The following BFSP1 variants were observed in gnomAD, a reference collection of about 807,000 sequenced individuals.
BFSP1 encodes filensin.
Under a neutral mutation model 43.9 loss-of-function variants are expected in BFSP1, and 38 were observed. The ratio of observed to expected loss-of-function variants is 0.87; its 90% CI spans 0.67 to 1.14. BFSP1 has a LOEUF of 1.14. BFSP1 is among the 50% of genes most tolerant of loss of function. The pLI is 0.00. For missense variants in BFSP1, 850 were observed against 875.1 expected, an observed-to-expected ratio of 0.97 and a Z score of 0.36; for synonymous variants, 352 against 354.8, an observed-to-expected ratio of 0.99 and a Z score of 0.09.
intron 1 of BFSP1, among the ~76,000 whole-genome samples, chr20:17,540,722 A>G (rs1157701834): frequency 6.6e-6 from 1 of 152,050 alleles, no homozygotes; most frequent in African/African-American, 2.4e-5. Context: ...GGTGCCTCTC[A>G]TGTCCTCTAG....
chr20:17,502,976 C>T (rs970381028), intron 5 of BFSP1, among the ~76,000 whole-genome samples: 2 of 152,136 alleles, frequency 1.3e-5, no homozygotes, highest in African/African-American at 2.4e-5. Context: ...CATAGAGGGG[C>T]CATGTGTTGA....
chr20:17,529,090 T>TGTGTGTGTGA (rs577672397), intron 1 of BFSP1, among the ~76,000 whole-genome samples: 49 of 151,614 alleles, frequency 3.2e-4, no homozygotes, highest in African/African-American at 1.1e-3. Context: ...TGTGTGTGTG[T>TGTGTGTGTGA]GAGACAGAGT....
intron 1 of BFSP1, among the ~76,000 whole-genome samples, chr20:17,537,286 C>A (rs2034642341): frequency 6.6e-6 from 1 of 152,206 alleles, no homozygotes; most frequent in Admixed American, 6.5e-5. Flanking sequence ...CGGATCCCTA[C>A]TATCCCTGCT....
chr20:17,502,261 T>C (rs994816803), intron 5 of BFSP1, among the ~76,000 whole-genome samples: 8 of 152,076 alleles, frequency 5.3e-5, no homozygotes, highest in African/African-American at 1.7e-4. Context: ...GTCACCTGTA[T>C]GAGGACACAG....
chr20:17,568,309 G>C (rs528756779), intron 1 of BFSP1, among the ~76,000 whole-genome samples: 117 of 152,246 alleles, frequency 7.7e-4, no homozygotes, highest in African/African-American at 2.8e-3. Context: ...ACGAAATGCA[G>C]GAGAGGCTGG....
chr20:17,540,676 C>T (rs1001126600), intron 1 of BFSP1, among the ~76,000 whole-genome samples: 18 of 152,272 alleles, frequency 1.2e-4, no homozygotes, highest in Non-Finnish European at 1.9e-4. Flanking sequence ...CTCTAAAACG[C>T]TGAAAGCCTG....
At chr20:17,506,285 T>C (rs1180221454) in intron 5 of BFSP1, among the ~76,000 whole-genome samples, 1 of 151,830 alleles carries the variant, frequency 6.6e-6, no homozygotes, top group Non-Finnish European at 1.5e-5. Context: ...AACATCTTTC[T>C]TTCTACCTTT....
upstream of BFSP1, among the ~76,000 whole-genome samples, chr20:17,563,897 A>G (rs2035091074): frequency 2.0e-5 from 3 of 151,622 alleles, no homozygotes; most frequent in Admixed American, 6.6e-5. Flanking sequence ...AAAAAAAAAA[A>G]AAAAAAAAAA....
chr20:17,531,201 C>G lies in BFSP1; in HGVS notation c.129G>C (p.Ala43=), dbSNP rs2034529496. 1 of 1,309,858 alleles carries G rather than the reference C, an allele frequency of 7.6e-7. No homozygotes were observed. The highest frequency in any genetic ancestry group is 3.8e-5 in the Admixed American group (1 of 26,472). 81.1% of individuals were successfully genotyped at this position (1,309,858 alleles called of 1,614,324 possible). A position where few individuals can be genotyped will look rare whatever the true frequency, so the allele number is the denominator to read the frequency against. ...EGWAGATSLA[A]LQGLGERVAA... is the part of the protein sequence containing the mutation. Reference sequence around the variant, plus strand: ...CCACGCGCTCGCCGAGCCCCTGCAGCGCCGCCAGGCTCGTTGCCCCAGCCC... The same window carrying G: ...CCACGCGCTCGCCGAGCCCCTGCAGGGCCGCCAGGCTCGTTGCCCCAGCCC... Residue 43 remains alanine (A), a synonymous_variant, in exon 1 of 8, where the codon GCG becomes GCC. Transcript: ENST00000377873.
At chr20:17,541,201 T>TA (rs60295983) in intron 1 of BFSP1, 8,553 of 812,802 alleles carry the variant, frequency 0.011, 1 homozygote, top group Middle Eastern at 0.013. Context: ...ACCCTGTCTC[T>TA]AAAAAAAAAA....
intron 5 of BFSP1, among the ~76,000 whole-genome samples, chr20:17,499,433 G>C (rs1436633761): frequency 4.1e-5 from 5 of 120,814 alleles, no homozygotes; most frequent in Non-Finnish European, 8.3e-5. Context: ...TTTTGGTAGT[G>C]ATAGGGTCCC....
upstream of BFSP1, among the ~76,000 whole-genome samples, chr20:17,535,385 G>T (rs2123548152): frequency 6.6e-6 from 1 of 152,200 alleles, no homozygotes; most frequent in South Asian, 2.1e-4. Context: ...AAAAAAATTA[G>T]CAAGGCATGG....
At chr20:17,522,805 G>A (rs115892071) in intron 2 of BFSP1, among the ~76,000 whole-genome samples, 2,012 of 152,320 alleles carry the variant, frequency 0.013, 49 homozygotes, top group African/African-American at 0.046. Context: ...TGGGTGGGGA[G>A]TATTGTGATT....
upstream of BFSP1, among the ~76,000 whole-genome samples, chr20:17,562,102 A>G (rs1316590505): frequency 7.3e-5 from 11 of 151,496 alleles, no homozygotes; most frequent in Non-Finnish European, 1.3e-4. Flanking sequence ...TTGTATTTTT[A>G]GTAGAGATGG....
At chr20:17,537,682 C>T (rs1217674149) in intron 1 of BFSP1, among the ~76,000 whole-genome samples, 1 of 150,624 alleles carries the variant, frequency 6.6e-6, no homozygotes, top group African/African-American at 2.4e-5. Context: ...GGATCCTAAA[C>T]TGGACCCTAG....
Position 17,494,752 on chromosome 20 carries a change from G to A in BFSP1, c.1320C>T (p.Gly440=). 6.2e-7 allele frequency: 1 copy of A among 1,614,122 alleles called. No homozygotes were observed. The highest frequency in any genetic ancestry group is 8.5e-7 in the Non-Finnish European group (1 of 1,180,028). The change falls in exon 8 of 8, where the codon GGC becomes GGT. Residue 440 remains glycine (G), a synonymous_variant. Transcript: ENST00000377873. ...TGACCTTCCTGTATAGTTTCCCAAAGCCTTTGCTTATCTGCCCTCCATCTG... is the reference window on the plus strand; with the variant it reads ...TGACCTTCCTGTATAGTTTCCCAAAACCTTTGCTTATCTGCCCTCCATCTG... The part of the protein sequence containing the change: ...DVPDGGQISK[G]FGKLYRKVKE...
intron 1 of BFSP1, among the ~76,000 whole-genome samples, chr20:17,542,427 CAAAAA>C (rs3076281): frequency 7.8e-5 from 9 of 114,842 alleles, no homozygotes; most frequent in African/African-American, 1.0e-4. Flanking sequence ...TCATCTCTAC[CAAAAA>C]AAAAAAAAAA....
upstream of BFSP1, chr20:17,531,459 G>A (rs1396756374): frequency 5.9e-6 from 7 of 1,183,756 alleles, no homozygotes; most frequent in South Asian, 1.5e-4. Context: ...GAGCCGATCA[G>A]CAGTTGGGCG....
chr20:17,522,430 G>GTTTA (rs1019874443), intron 2 of BFSP1, among the ~76,000 whole-genome samples: 1 of 152,146 alleles, frequency 6.6e-6, no homozygotes, highest in Non-Finnish European at 1.5e-5. Context: ...TGCCTGCTGT[G>GTTTA]TTTATGATTT....
Sources: gnomAD v4.1 joint callset for allele counts (sites outside exome capture counted in the v4.1 genomes callset) on GRCh38, gnomAD v4.1.1 for gene constraint, MANE v1.5 for transcripts, NCBI Gene and HGNC (gene_info 2026-07-23, HGNC 2026-07-21) for gene names.